The following PKP4 variants were observed in gnomAD, a reference collection of about 807,000 sequenced individuals.
PKP4 encodes the protein plakophilin 4.
Under a neutral mutation model 145.1 loss-of-function variants are expected in PKP4, and 90 were observed. The ratio of observed to expected loss-of-function variants is 0.62; its 90% CI spans 0.52 to 0.74. PKP4 has a LOEUF of 0.74. PKP4 is among the 30% of genes least tolerant of loss of function. The pLI is 0.00. For synonymous variants in PKP4, 563 were observed against 577.2 expected (o/e 0.98, Z 0.35); for missense variants, 1,340 against 1,482.7 (o/e 0.90, Z 1.58).
chr2:158,618,788 A>T (rs1349329895), intron 4 of PKP4, among the ~76,000 whole-genome samples: 1 of 152,026 alleles, frequency 6.6e-6, no homozygotes, highest in Admixed American at 6.6e-5. Context: ...GGCAGCTTAC[A>T]TAAAATTCTA....
chr2:158,537,688 C>T (rs536921044), intron 2 of PKP4, among the ~76,000 whole-genome samples: 3 of 152,262 alleles, frequency 2.0e-5, no homozygotes, highest in African/African-American at 7.2e-5. Context: ...GTCTGACAAA[C>T]TTGATACTGG....
chr2:158,624,287 G>A (rs1026763492), intron 6 of PKP4, among the ~76,000 whole-genome samples: 6 of 152,210 alleles, frequency 3.9e-5, no homozygotes, highest in Non-Finnish European at 8.8e-5. Flanking sequence ...TCACAGTGGA[G>A]AGCGCCAGAC....
At chr2:158,464,727 CT>C (rs1458608096) in intron 1 of PKP4, among the ~76,000 whole-genome samples, 2 of 152,230 alleles carry the variant, frequency 1.3e-5, no homozygotes, top group African/African-American at 2.4e-5. Context: ...TTATTTACCA[CT>C]TTGCAGTGAA....
Position 158,552,836 on chromosome 2 carries a change from T to C in PKP4, c.132+19520T>C, listed in dbSNP as rs144281454. Among the ~76,000 whole-genome samples the C allele has an allele frequency of 1.2e-3, 184 of 152,308 alleles. 1 individual carries two copies. The highest frequency in any genetic ancestry group is 4.2e-3 in the African/African-American group (174 of 41,572). On this transcript the variant is annotated intron_variant, in intron 2 of 21. Coordinates refer to ENST00000389759, the MANE Select transcript of PKP4 (RefSeq NM_003628.6). Reference sequence around the variant, plus strand: ...CTAAAAACCAATGTACATGCCTTAATTTAAAACTGTATTGCTAAAAATGCT... The same window carrying C: ...CTAAAAACCAATGTACATGCCTTAACTTAAAACTGTATTGCTAAAAATGCT...
chr2:158,628,881 C>G (rs1384040147), intron 7 of PKP4, among the ~76,000 whole-genome samples: 1 of 152,188 alleles, frequency 6.6e-6, no homozygotes, highest in Non-Finnish European at 1.5e-5. Flanking sequence ...CGGCTTGGCT[C>G]TGTCCAAGTG....
At chr2:158,656,641 G>A (rs2055959381) in intron 11 of PKP4, among the ~76,000 whole-genome samples, 1 of 152,140 alleles carries the variant, frequency 6.6e-6, no homozygotes, top group South Asian at 2.1e-4. Flanking sequence ...AGAGTTGTGG[G>A]CACAGGTGCA....
intron 1 of PKP4, among the ~76,000 whole-genome samples, chr2:158,512,052 T>A (rs2041565802): frequency 6.6e-6 from 1 of 152,206 alleles, no homozygotes; most frequent in Non-Finnish European, 1.5e-5. Flanking sequence ...GATAATTCTA[T>A]TACATATGCA....
At chr2:158,536,152 T>C (rs1472407684) in intron 2 of PKP4, among the ~76,000 whole-genome samples, 3 of 152,156 alleles carry the variant, frequency 2.0e-5, no homozygotes, top group Non-Finnish European at 4.4e-5. Flanking sequence ...TTTTTGGACA[T>C]TGATAGCAGA....
At chr2:158,505,580 G>A (rs1192566930) in intron 1 of PKP4, among the ~76,000 whole-genome samples, 1 of 152,066 alleles carries the variant, frequency 6.6e-6, no homozygotes, top group Non-Finnish European at 1.5e-5. Flanking sequence ...TGAGATTGGG[G>A]TAGGGAGGAT....
At chr2:158,525,690 C>T (rs78665130) in intron 1 of PKP4, among the ~76,000 whole-genome samples, 83,179 of 127,656 alleles carry the variant, frequency 0.65, 27,583 homozygotes, top group South Asian at 0.8. Context: ...TCAATGAATC[C>T]AGGAGCTGGT....
chr2:158,516,072 G>T (rs1191656272), intron 1 of PKP4, among the ~76,000 whole-genome samples: 3 of 149,094 alleles, frequency 2.0e-5, no homozygotes, highest in South Asian at 4.3e-4. Flanking sequence ...ACACATGAGG[G>T]TCTCTGGTTA....
intron 4 of PKP4, among the ~76,000 whole-genome samples, chr2:158,612,149 A>C (rs1405388645): frequency 6.6e-6 from 1 of 152,078 alleles, no homozygotes; most frequent in Non-Finnish European, 1.5e-5. Flanking sequence ...TATAGGAAAA[A>C]ATCTGGAATA....
At chr2:158,571,438 T>G (rs1026454654) in intron 2 of PKP4, among the ~76,000 whole-genome samples, 1 of 152,158 alleles carries the variant, frequency 6.6e-6, no homozygotes, top group African/African-American at 2.4e-5. Context: ...ATGCTAATAA[T>G]TAGAGGTAGT....
At chr2:158,493,340 G>GT (rs1414958857) in intron 1 of PKP4, among the ~76,000 whole-genome samples, 1 of 152,012 alleles carries the variant, frequency 6.6e-6, no homozygotes, top group Non-Finnish European at 1.5e-5. Flanking sequence ...GTTTCTCATC[G>GT]TTTTTTAAAT....
chr2:158,513,666 C>T (rs2041705696), intron 1 of PKP4, among the ~76,000 whole-genome samples: 1 of 152,206 alleles, frequency 6.6e-6, no homozygotes, highest in African/African-American at 2.4e-5. Context: ...CTCCAGGTCA[C>T]ATTACCACCT....
At chr2:158,635,748 T>C (rs1474353040) in intron 9 of PKP4, among the ~76,000 whole-genome samples, 1 of 152,154 alleles carries the variant, frequency 6.6e-6, no homozygotes, top group Non-Finnish European at 1.5e-5. Context: ...CTGTCTTTGA[T>C]TATGTGAAAC....
intron 2 of PKP4, among the ~76,000 whole-genome samples, chr2:158,573,792 C>G (rs2047608515): frequency 6.6e-6 from 1 of 152,176 alleles, no homozygotes; most frequent in African/African-American, 2.4e-5. Flanking sequence ...AATTCCAAAT[C>G]AGGCTGACAA....
Position 158,665,098 on chromosome 2 carries a change from C to T in PKP4, c.2578-1315C>T, listed in dbSNP as rs540423322. 4.4e-4 allele frequency among the ~76,000 whole-genome samples: 67 copies of T among 152,262 alleles called. 1 individual carries two copies. In the South Asian group the frequency reaches 0.014, roughly 31 times the overall value. ...AGTGAGTTAAAATATTGGACCTTCA[C>T]TAAGAAAATGAGATAATCGTGGCCA... On this transcript the variant is annotated intron_variant, in intron 15 of 21. Coordinates refer to ENST00000389759, the MANE Select transcript of PKP4 (RefSeq NM_003628.6).
At chr2:158,677,875 A>G (rs921654467) in intron 20 of PKP4, among the ~76,000 whole-genome samples, 6 of 152,164 alleles carry the variant, frequency 3.9e-5, no homozygotes, top group Non-Finnish European at 8.8e-5. Context: ...GCCCTTCTGT[A>G]TCTTCTTCGC....
Sources: gnomAD v4.1 joint callset for allele counts (sites outside exome capture counted in the v4.1 genomes callset) on GRCh38, gnomAD v4.1.1 for gene constraint, MANE v1.5 for transcripts, NCBI Gene and HGNC (gene_info 2026-07-23, HGNC 2026-07-21) for gene names.